EVC2: variants seen among roughly 807,000 people sequenced by gnomAD.
EVC2 encodes EvC ciliary complex subunit 2, also known as limbin.
Under a neutral mutation model 149.3 loss-of-function variants are expected in EVC2, and 148 were observed. The ratio of observed to expected loss-of-function variants is 0.99; its 90% CI spans 0.87 to 1.14. The LOEUF (loss-of-function observed/expected upper bound fraction) is 1.14, where lower values mean the gene tolerates loss of function less well. Ranked by LOEUF, EVC2 falls within the 50% of genes most tolerant of loss-of-function variation. The pLI, the probability that EVC2 is intolerant of heterozygous loss-of-function variation, is 0.00. For synonymous variants in EVC2, 776 were observed against 649.9 expected (o/e 1.19, Z -2.95); for missense variants, 1,854 against 1,627.3 (o/e 1.14, Z -2.40).
At chr4:5,531,195 G>A in the EVC2 span, among the ~76,000 whole-genome samples, 9 of 152,096 alleles carry the variant, frequency 5.9e-5, no homozygotes, top group Non-Finnish European at 2.9e-5. Context: ...CAAGCGAACT[G>A]AGTCCCAGGT....
chr4:5,663,280 G>C, intron 8 of EVC2, 34 bp from the exon 9 acceptor site: 3 of 1,613,248 alleles, frequency 1.9e-6, no homozygotes, highest in East Asian at 2.2e-5. Flanking sequence ...TAATTGATTG[G>C]GCCTTCTTGT....
chr4:5,566,591 C>T (rs1722305234), intron 20 of EVC2, among the ~76,000 whole-genome samples: 1 of 152,200 alleles, frequency 6.6e-6, no homozygotes, highest in Non-Finnish European at 1.5e-5. Flanking sequence ...GCTGGGGACA[C>T]AAGAATAGTG....
rs1560243612 is a variant in EVC2, at chr4:5,706,405, G to GATAGATACAT, written c.228+1871_228+1880dup. Among the ~76,000 whole-genome samples, 35 of 45,336 alleles carry GATAGATACAT rather than the reference G, an allele frequency of 7.7e-4. 4 individuals are homozygous for GATAGATACAT. Among genetic ancestry groups the GATAGATACAT allele is most frequent in the African/African-American group, 4.9e-3 (28 of 5,726 alleles). 29.7% of individuals were successfully genotyped at this position (45,336 alleles called of 152,430 possible). A position where few individuals can be genotyped will look rare whatever the true frequency, so the allele number is the denominator to read the frequency against. On this transcript the variant is annotated intron_variant, in intron 1 of 21. Coordinates refer to ENST00000344408, the MANE Select transcript of EVC2 (RefSeq NM_147127.5). ...ACATAGATAGATACATAGATAGATA[G>GATAGATACAT]ATAGATACATAGATAGATAGATACA...
At position 5,706,313 on chromosome 4, in the gene EVC2, G is replaced by GATAGATAC. The variant is rs1722130511; in HGVS notation, c.228+1965_228+1972dup. ...ATAAATATAGATAGATACATAGATAGATAGATACATAGATAGATAGATAGA... is the reference window on the plus strand; with the variant it reads ...ATAAATATAGATAGATACATAGATAGATAGATACATAGATACATAGATAGATAGATAGA... On this transcript the variant is annotated intron_variant, in intron 1 of 21. Transcript: ENST00000344408. 6.1e-4 allele frequency among the ~76,000 whole-genome samples: 39 copies of GATAGATAC among 64,276 alleles called. 4 individuals carry two copies. Among genetic ancestry groups the GATAGATAC allele is most frequent in the Non-Finnish European group, 1.1e-3 (34 of 32,102 alleles). 42.2% of individuals were successfully genotyped at this position (64,276 alleles called of 152,430 possible). A position where few individuals can be genotyped will look rare whatever the true frequency, so the allele number is the denominator to read the frequency against.
intron 19 of EVC2, among the ~76,000 whole-genome samples, chr4:5,568,989 G>A (rs888452761): frequency 5.3e-5 from 8 of 152,158 alleles, no homozygotes; most frequent in Non-Finnish European, 7.3e-5. Context: ...GGCACCAGGC[G>A]AGCAGTGCAG....
intron 17 of EVC2, among the ~76,000 whole-genome samples, chr4:5,582,585 AGACTTTG>A (rs1190781312): frequency 2.6e-5 from 4 of 152,140 alleles, no homozygotes; most frequent in South Asian, 4.1e-4. Context: ...GTCTCAGATG[AGACTTTG>A]GACTTTGGAC....
intron 8 of EVC2, among the ~76,000 whole-genome samples, chr4:5,664,120 T>C (rs182089366): frequency 6.2e-4 from 95 of 152,312 alleles, no homozygotes; most frequent in Non-Finnish European, 4.6e-4. Flanking sequence ...GCTTTCTTTG[T>C]GTTATCATGA....
chr4:5,545,016 G>A (rs1430794618), intron 21 of EVC2, among the ~76,000 whole-genome samples: 2 of 152,156 alleles, frequency 1.3e-5, no homozygotes, highest in East Asian at 1.9e-4. Context: ...CACTGACACA[G>A]CCTGCTGCTC....
intron 16 of EVC2, among the ~76,000 whole-genome samples, chr4:5,607,803 A>C (rs56391449): frequency 0.035 from 5,352 of 152,156 alleles, 291 homozygotes; most frequent in African/African-American, 0.12. Context: ...AACTGTGAAC[A>C]TCTCAAAAGC....
rs779692610 is a variant in EVC2 at position 5,622,521 on chromosome 4, C to T, written c.2501+16G>A. The T allele has an allele frequency of 2.5e-6, 4 of 1,612,180 alleles. No homozygotes were observed. Among genetic ancestry groups the T allele is most frequent in the Admixed American group, 1.7e-5 (1 of 59,910 alleles). The stretch of plus-strand genomic sequence containing the variant: ...CGGGATGGGGAGGGGTGATTACGAC[C>T]CGCAAAGGCACTCACATGAAGATCA... On this transcript the variant is annotated intron_variant, in intron 14 of 21. Transcript: ENST00000344408. This position sits in a 1 kb window ranked among gnomAD's most constrained non-coding sequence, Gnocchi z 5.8.
chr4:5,695,135 G>A (rs1577265218), intron 2 of EVC2, among the ~76,000 whole-genome samples: 1 of 152,034 alleles, frequency 6.6e-6, no homozygotes, highest in Non-Finnish European at 1.5e-5. Flanking sequence ...AGATCACAAA[G>A]TCAAGAGATC....
In EVC2 at chr4:5,625,969, C is replaced by A. The variant is rs974393788; in HGVS notation, c.1887-61G>T. On this transcript the variant is annotated intron_variant, in intron 12 of 21. Transcript: ENST00000344408. The surrounding 1 kb of genome is among the most constrained non-coding windows in gnomAD (Gnocchi z 4.0). ...TCCAAACTCACCTGTAGCTTAACTGCTATTGTGCCTGAACATTCATCTCCA... is the reference window on the plus strand; with the variant it reads ...TCCAAACTCACCTGTAGCTTAACTGATATTGTGCCTGAACATTCATCTCCA... 5.2e-5 allele frequency: 82 copies of A among 1,591,776 alleles called. 1 individual carries two copies. Among genetic ancestry groups the A allele is most frequent in the Non-Finnish European group, 7.1e-5 (82 of 1,162,892 alleles).
In EVC2 at chr4:5,569,886, C is replaced by T. The variant is rs1722545797; in HGVS notation, c.3361-1246G>A. ...CGTCCTGACGCTCCCCATCCATGGC[C>T]TCCCTCCACTGTCACACTGAAATAC... is the stretch of plus-strand genomic sequence containing the variant. On this transcript the variant is annotated intron_variant, in intron 19 of 21. Coordinates refer to ENST00000344408, the MANE Select transcript of EVC2 (RefSeq NM_147127.5). The surrounding 1 kb of genome is among the most constrained non-coding windows in gnomAD (Gnocchi z 4.8). Among the ~76,000 whole-genome samples, 1 of 152,158 alleles carries T rather than the reference C, an allele frequency of 6.6e-6. No individual in the cohort carries two copies. The highest frequency in any genetic ancestry group is 2.4e-5 in the African/African-American group (1 of 41,432).
At chr4:5,588,230 C>T (rs1269852131) in intron 16 of EVC2, among the ~76,000 whole-genome samples, 2 of 152,162 alleles carry the variant, frequency 1.3e-5, no homozygotes, top group Non-Finnish European at 2.9e-5. Context: ...TTCTCACTTG[C>T]ATTATTTGAA....
chr4:5,636,866 T>G lies in EVC2; in HGVS notation c.1470+3648A>C, dbSNP rs1005129720. 1.3e-5 allele frequency among the ~76,000 whole-genome samples: 2 copies of G among 152,232 alleles called. No individual in the cohort carries two copies. Among genetic ancestry groups the G allele is most frequent in the African/African-American group, 4.8e-5 (2 of 41,458 alleles). On this transcript the variant is annotated intron_variant, in intron 10 of 21. Coordinates refer to ENST00000344408, the MANE Select transcript of EVC2 (RefSeq NM_147127.5). This position sits in a 1 kb window ranked among gnomAD's most constrained non-coding sequence, Gnocchi z 4.6. Reference sequence around the variant, plus strand: ...CATGATGGATAATTATAAAGCAGTCTGTGGTTTTGTGAGATGGAATCACTT... The same window carrying G: ...CATGATGGATAATTATAAAGCAGTCGGTGGTTTTGTGAGATGGAATCACTT...
At chr4:5,697,798 T>C in intron 1 of EVC2, 151 bp from the exon 2 acceptor site, 6 of 692,682 alleles carry the variant, frequency 8.7e-6, no homozygotes, top group Middle Eastern at 3.5e-4. Context: ...CAGGCTGCAG[T>C]GCAGTGGCGC....
At position 5,686,372 on chromosome 4, in the gene EVC2, A is replaced by T. The variant is rs10428288; in HGVS notation, c.707-893T>A. Among the ~76,000 whole-genome samples, 73,477 of 151,834 alleles carry T rather than the reference A, an allele frequency of 0.48. 18,854 individuals carry two copies. Among genetic ancestry groups the T allele is most frequent in the South Asian group, 0.64 (3,090 of 4,810 alleles). On this transcript the variant is annotated intron_variant, in intron 5 of 21. Transcript: ENST00000344408. The surrounding 1 kb of genome is among the most constrained non-coding windows in gnomAD (Gnocchi z 5.4). Reference sequence around the variant, plus strand: ...GCTCATCTCATTTTATTTTTATATAACCTAGAGCTAAGATAATGAACGTAA... The same window carrying T: ...GCTCATCTCATTTTATTTTTATATATCCTAGAGCTAAGATAATGAACGTAA...
chr4:5,616,814 A>G (rs545550630), intron 15 of EVC2, among the ~76,000 whole-genome samples: 1 of 152,168 alleles, frequency 6.6e-6, no homozygotes, highest in Non-Finnish European at 1.5e-5. Flanking sequence ...GCGAAAAGGA[A>G]GATGACATCT....
At chr4:5,557,450 A>T (rs985896028), downstream of EVC2, among the ~76,000 whole-genome samples, 1 of 152,192 alleles carries the variant, frequency 6.6e-6, no homozygotes, top group East Asian at 1.9e-4. Context: ...AGCTAATCTC[A>T]TACTTAAATA....
Sources: allele counts gnomAD v4.1 joint callset (sites outside exome capture counted in the v4.1 genomes callset), GRCh38; gene constraint gnomAD v4.1.1; non-coding constraint Gnocchi (gnomAD v3.1); transcripts MANE v1.5; gene names NCBI Gene and HGNC (gene_info 2026-07-23, HGNC 2026-07-21).